RGL1: variants seen among roughly 807,000 people sequenced by gnomAD.
The protein encoded by RGL1 is ral guanine nucleotide dissociation stimulator like 1, also known as ral guanine nucleotide dissociation stimulator-like 1.
In RGL1, 24 loss-of-function variants were observed where a neutral mutation model predicts 95.2. The observed-to-expected ratio is 0.25, with a 90% CI of 0.18 to 0.35. RGL1 has a LOEUF of 0.35. Ranked by LOEUF, RGL1 falls within the 10% of genes least tolerant of loss-of-function variation. RGL1 has a pLI of 1.00. For synonymous variants in RGL1, 329 were observed against 344.9 expected (o/e 0.95, Z 0.51); for missense variants, 715 against 936.3 (o/e 0.76, Z 3.08).
intron 1 of RGL1, among the ~76,000 whole-genome samples, chr1:183,719,000 T>C (rs1173122191): frequency 6.6e-6 from 1 of 152,166 alleles, no homozygotes; most frequent in African/African-American, 2.4e-5. Flanking sequence ...CATGAGATAA[T>C]GCATGTCAAG....
At chr1:183,663,975 G>A (rs148931523) in intron 1 of RGL1, among the ~76,000 whole-genome samples, 11,851 of 148,392 alleles carry the variant, frequency 0.08, 917 homozygotes, top group African/African-American at 0.21. Context: ...AAAAAACCAA[G>A]CACCGCATGT....
At chr1:183,860,271 T>A (rs3002651) in intron 3 of RGL1, among the ~76,000 whole-genome samples, 112 of 152,208 alleles carry the variant, frequency 7.4e-4, no homozygotes, top group African/African-American at 2.6e-3. Flanking sequence ...TCTTTTATTC[T>A]TGGTAGAAGA....
At chr1:183,826,641 A>G (rs1382358500) in intron 2 of RGL1, among the ~76,000 whole-genome samples, 1 of 152,216 alleles carries the variant, frequency 6.6e-6, no homozygotes, top group East Asian at 1.9e-4. Flanking sequence ...TGGAATAAGC[A>G]CTTCTATTTA....
intron 1 of RGL1, among the ~76,000 whole-genome samples, chr1:183,638,025 G>C (rs1040770198): frequency 6.6e-6 from 1 of 151,950 alleles, no homozygotes; most frequent in Non-Finnish European, 1.5e-5. Flanking sequence ...AGAGAAAATC[G>C]AACATTAGAG....
chr1:183,878,229 C>T (rs1020964135), intron 4 of RGL1, among the ~76,000 whole-genome samples: 7 of 151,766 alleles, frequency 4.6e-5, no homozygotes. Flanking sequence ...TAGGGTCTCG[C>T]TCTGTTACCC....
At chr1:183,660,439 C>T (rs889560936) in intron 1 of RGL1, among the ~76,000 whole-genome samples, 15 of 151,326 alleles carry the variant, frequency 9.9e-5, no homozygotes, top group Non-Finnish European at 1.2e-4. Context: ...TTTAAACCAA[C>T]AAAGATCAAA....
At chr1:183,813,923 G>A (rs1661899767) in intron 2 of RGL1, among the ~76,000 whole-genome samples, 1 of 152,112 alleles carries the variant, frequency 6.6e-6, no homozygotes, top group Admixed American at 6.5e-5. Context: ...ATATTAAAAT[G>A]TCTTTTCACA....
At chr1:183,659,781 G>A (rs1297884056) in intron 1 of RGL1, among the ~76,000 whole-genome samples, 5 of 151,460 alleles carry the variant, frequency 3.3e-5, no homozygotes, top group African/African-American at 1.2e-4. Context: ...TGAAATGAAG[G>A]AAAAAATGTT....
rs547739179 is a variant in RGL1 at position 183,696,592 on chromosome 1, T to C, written c.-32-45534T>C. Reference sequence around the variant, plus strand: ...CATCTATATATTGACAACTCCCAAATTTATATCTCCAGCCCAGGCCTCTAT... The same window carrying C: ...CATCTATATATTGACAACTCCCAAACTTATATCTCCAGCCCAGGCCTCTAT... On this transcript the variant is annotated intron_variant, in intron 1 of 18. Transcript: ENST00000304685. Among the ~76,000 whole-genome samples, 181 of 152,306 alleles carry C rather than the reference T, an allele frequency of 1.2e-3. 1 individual carries two copies. The highest frequency in any genetic ancestry group is 4.3e-3 in the African/African-American group (179 of 41,580).
intron 2 of RGL1, among the ~76,000 whole-genome samples, chr1:183,823,201 A>T (rs973044582): frequency 6.6e-6 from 1 of 152,198 alleles, no homozygotes; most frequent in African/African-American, 2.4e-5. Flanking sequence ...TAACTGTGTT[A>T]TTGTATGGAA....
At chr1:183,722,396 A>G (rs867244917) in intron 1 of RGL1, among the ~76,000 whole-genome samples, 2 of 152,108 alleles carry the variant, frequency 1.3e-5, no homozygotes, top group Middle Eastern at 3.2e-3. Context: ...GAAGAGAGTA[A>G]AAGAGAACAG....
intron 11 of RGL1, among the ~76,000 whole-genome samples, chr1:183,901,852 A>G (rs1668043625): frequency 6.6e-6 from 1 of 152,186 alleles, no homozygotes; most frequent in African/African-American, 2.4e-5. Flanking sequence ...TTGCTTGCAT[A>G]TTTCAGTATA....
intron 2 of RGL1, among the ~76,000 whole-genome samples, chr1:183,841,989 C>A (rs1338288456): frequency 6.6e-6 from 1 of 151,974 alleles, no homozygotes; most frequent in Non-Finnish European, 1.5e-5. Context: ...ACTTTCAGTC[C>A]CAAGAATTTG....
intron 2 of RGL1, among the ~76,000 whole-genome samples, chr1:183,776,812 G>T (rs961542725): frequency 1.3e-5 from 2 of 152,168 alleles, no homozygotes; most frequent in African/African-American, 4.8e-5. Flanking sequence ...TACCTCCTGG[G>T]GAGAGTTCAT....
chr1:183,911,378 G>T (rs1668632065), intron 14 of RGL1, among the ~76,000 whole-genome samples: 1 of 152,110 alleles, frequency 6.6e-6, no homozygotes, highest in Non-Finnish European at 1.5e-5. Flanking sequence ...GTGGGCCCTG[G>T]CTGTATATAG....
chr1:183,853,590 ATTCAGTAGGTCTTTGAACTTAT>A (rs1664960640), intron 3 of RGL1, among the ~76,000 whole-genome samples: 1 of 152,174 alleles, frequency 6.6e-6, no homozygotes, highest in African/African-American at 2.4e-5. Context: ...GAAGAGACTA[ATTCAGTAGGTCTTTGAACTTAT>A]TTCTTCTTCC....
intron 2 of RGL1, among the ~76,000 whole-genome samples, chr1:183,776,084 T>G (rs1021391644): frequency 6.6e-6 from 1 of 152,078 alleles, no homozygotes; most frequent in Admixed American, 6.5e-5. Flanking sequence ...TTACATTTGT[T>G]GAGTAACTAC....
At chr1:183,687,294 C>T (rs1653648718) in intron 1 of RGL1, among the ~76,000 whole-genome samples, 1 of 152,184 alleles carries the variant, frequency 6.6e-6, no homozygotes, top group South Asian at 2.1e-4. Flanking sequence ...AGACCTAGAA[C>T]ACTGCTGGCA....
At chr1:183,789,515 C>G (rs1660343848) in intron 2 of RGL1, among the ~76,000 whole-genome samples, 1 of 152,138 alleles carries the variant, frequency 6.6e-6, no homozygotes, top group South Asian at 2.1e-4. Flanking sequence ...CCATGTGTAG[C>G]ACAGTGTCTG....
Sources: gnomAD v4.1 joint callset for allele counts (sites outside exome capture counted in the v4.1 genomes callset) on GRCh38, gnomAD v4.1.1 for gene constraint, MANE v1.5 for transcripts, NCBI Gene and HGNC (gene_info 2026-07-23, HGNC 2026-07-21) for gene names.